Variants in EBF3 observed in about 807,000 individuals in gnomAD.
The protein encoded by EBF3 is EBF transcription factor 3.
In EBF3, 18 loss-of-function variants were observed where a neutral mutation model predicts 77.1. That is an observed-to-expected ratio of 0.23 (90% confidence interval 0.16 to 0.35). The LOEUF is 0.35. EBF3 is among the 10% of genes least tolerant of loss of function. The pLI is 1.00. For synonymous variants in EBF3, 350 were observed against 343.5 expected, an observed-to-expected ratio of 1.02 and a Z score of -0.21; for missense variants, 558 against 860.0, an observed-to-expected ratio of 0.65 and a Z score of 4.39.
intron 6 of EBF3, among the ~76,000 whole-genome samples, chr10:129,948,931 G>A (rs567902267): frequency 1.3e-5 from 2 of 152,278 alleles, no homozygotes; most frequent in African/African-American, 4.8e-5. Context: ...AACTTGGAAA[G>A]GACACCTGCA....
At chr10:129,881,083 T>A (rs540484791) in intron 6 of EBF3, among the ~76,000 whole-genome samples, 1 of 152,226 alleles carries the variant, frequency 6.6e-6, no homozygotes, top group Non-Finnish European at 1.5e-5. Flanking sequence ...ACTTTACATA[T>A]CTCACTTCTA....
intron 14 of EBF3, 35 bp from the exon 15 acceptor site, chr10:129,840,477 C>A: frequency 6.5e-6 from 10 of 1,537,790 alleles, no homozygotes; most frequent in Non-Finnish European, 7.9e-6. Flanking sequence ...CACGCGCGGC[C>A]GCGGCACAGC....
intron 4 of EBF3, among the ~76,000 whole-genome samples, chr10:129,959,646 C>T (rs974991463): frequency 2.2e-4 from 34 of 151,948 alleles, no homozygotes; most frequent in Non-Finnish European, 4.1e-4. Flanking sequence ...AGCAGGCCGC[C>T]CTGGACCGGC....
intron 6 of EBF3, among the ~76,000 whole-genome samples, chr10:129,916,198 A>T (rs1036994283): frequency 2.0e-5 from 3 of 152,190 alleles, no homozygotes; most frequent in Non-Finnish European, 2.9e-5. Flanking sequence ...AGCCTGGGGG[A>T]GAGACGGGCG....
At chr10:129,945,463 C>T (rs550613085) in intron 6 of EBF3, among the ~76,000 whole-genome samples, 5 of 152,276 alleles carry the variant, frequency 3.3e-5, no homozygotes, top group South Asian at 2.1e-4. Context: ...GTAAATCACA[C>T]GGATTCCGTA....
chr10:129,846,381 T>C (rs1184359429), intron 11 of EBF3, among the ~76,000 whole-genome samples: 7 of 151,850 alleles, frequency 4.6e-5, no homozygotes, highest in African/African-American at 1.7e-4. Flanking sequence ...AAAATCAATA[T>C]TGTGGTAATA....
rs1442631674 is a variant in EBF3, at chr10:129,963,964, G to A, written c.-196C>T. On this transcript the variant is annotated 5_prime_UTR_variant, in exon 1 of 17. Coordinates refer to ENST00000440978, the MANE Select transcript of EBF3 (RefSeq NM_001375380.1). This position sits in a 1 kb window ranked among gnomAD's most constrained non-coding sequence, Gnocchi z 7.1. ...CGGCCGGGCGCTCCGGACGGCCAGG[G>A]GCGCGGAGGCGGCTCCACCGGCGGC... 8 of 1,027,350 alleles carry A rather than the reference G, an allele frequency of 7.8e-6. No homozygotes were observed. In the African/African-American group the frequency reaches 1.4e-4, roughly 18 times the overall value. The allele number at this position is 1,027,350 out of a possible 1,614,324, so 63.6% of individuals were successfully genotyped here.
chr10:129,895,044 T>G (rs1018457931), intron 6 of EBF3, among the ~76,000 whole-genome samples: 1 of 152,132 alleles, frequency 6.6e-6, no homozygotes, highest in Non-Finnish European at 1.5e-5. Flanking sequence ...GCAAAATGAG[T>G]GGGCATGCGG....
Position 129,938,653 on chromosome 10 carries a change from C to T in EBF3, c.554+18605G>A, listed in dbSNP as rs564055937. The stretch of plus-strand genomic sequence containing the variant: ...GCAGCCCAGGCAGGCACGAGCAGAA[C>T]GCTCCTCCTCCTTGGCTGTTGTCCA... On this transcript the variant is annotated intron_variant, in intron 6 of 16. Coordinates refer to ENST00000440978, the MANE Select transcript of EBF3 (RefSeq NM_001375380.1). This position sits in a 1 kb window ranked among gnomAD's most constrained non-coding sequence, Gnocchi z 5.1. Among the ~76,000 whole-genome samples, 5 of 152,324 alleles carry T rather than the reference C, an allele frequency of 3.3e-5. No individual in the cohort carries two copies. The East Asian group carries it at 7.7e-4, about 24-fold the overall frequency.
chr10:129,920,987 G>A (rs1247808272), intron 6 of EBF3, among the ~76,000 whole-genome samples: 1 of 152,200 alleles, frequency 6.6e-6, no homozygotes, highest in Non-Finnish European at 1.5e-5. Context: ...GGTGCCCTCG[G>A]TGGTCTGGGG....
chr10:129,963,916 C>T lies in EBF3; in HGVS notation c.-148G>A, dbSNP rs1859737693. On this transcript the variant is annotated 5_prime_UTR_variant, in exon 1 of 17. Transcript: ENST00000440978. The surrounding 1 kb of genome is among the most constrained non-coding windows in gnomAD (Gnocchi z 7.1). ...CCCCGCCGCCGGCTTCAGCCCGTCCCGGGCAGGCGCGACATACACCAGCGG... is the reference window on the plus strand; with the variant it reads ...CCCCGCCGCCGGCTTCAGCCCGTCCTGGGCAGGCGCGACATACACCAGCGG... 2 of 1,108,278 alleles carry T rather than the reference C, an allele frequency of 1.8e-6. No individual in the cohort carries two copies. The highest frequency in any genetic ancestry group is 4.1e-5 in the South Asian group (1 of 24,682). The allele number at this position is 1,108,278 out of a possible 1,614,324, so 68.7% of individuals were successfully genotyped here.
At chr10:129,854,878 C>T (rs1450298729) in intron 10 of EBF3, among the ~76,000 whole-genome samples, 1 of 152,270 alleles carries the variant, frequency 6.6e-6, no homozygotes, top group East Asian at 1.9e-4. Flanking sequence ...GCGTCGTTCA[C>T]CAGGGGCGCT....
chr10:129,919,957 AC>A (rs963387314), intron 6 of EBF3, among the ~76,000 whole-genome samples: 1 of 150,056 alleles, frequency 6.7e-6, no homozygotes, highest in African/African-American at 2.5e-5. Context: ...CCACAAGCCC[AC>A]CCCGCTGTGC....
intron 7 of EBF3, among the ~76,000 whole-genome samples, chr10:129,875,187 C>CTTCTTTTTT (rs1852672323): frequency 1.1e-5 from 1 of 92,932 alleles, no homozygotes; most frequent in African/African-American, 4.1e-5. Flanking sequence ...ATGGCTTCTT[C>CTTCTTTTTT]TTTTTTTTTT....
At chr10:129,896,657 G>A (rs906104000) in intron 6 of EBF3, among the ~76,000 whole-genome samples, 2 of 152,224 alleles carry the variant, frequency 1.3e-5, no homozygotes, top group African/African-American at 4.8e-5. Flanking sequence ...CTTGAGCTCC[G>A]CTGACCTCGC....
At chr10:129,901,739 T>G (rs1051002843) in intron 6 of EBF3, among the ~76,000 whole-genome samples, 1 of 152,224 alleles carries the variant, frequency 6.6e-6, no homozygotes, top group African/African-American at 2.4e-5. Context: ...TCCTGTCACA[T>G]GCACCAAATA....
At chr10:129,874,857 G>A (rs10829655) in intron 7 of EBF3, among the ~76,000 whole-genome samples, 25,026 of 152,100 alleles carry the variant, frequency 0.16, 2,114 homozygotes, top group Admixed American at 0.21. Context: ...AGTGAATCGC[G>A]ACACATCAGT....
chr10:129,867,017 G>A, intron 10 of EBF3, 124 bp downstream of exon 10: 2 of 1,333,118 alleles, frequency 1.5e-6, no homozygotes, highest in Admixed American at 6.3e-5. Flanking sequence ...GGCCAAGGGG[G>A]CTTTGTCTGT....
At chr10:129,901,897 C>T (rs1182314939) in intron 6 of EBF3, among the ~76,000 whole-genome samples, 1 of 152,200 alleles carries the variant, frequency 6.6e-6, no homozygotes, top group Non-Finnish European at 1.5e-5. Context: ...ACCTGTGTGG[C>T]CAGATGGAAA....
Sources: gnomAD v4.1 joint callset for allele counts (sites outside exome capture counted in the v4.1 genomes callset) on GRCh38, gnomAD v4.1.1 for gene constraint, Gnocchi (gnomAD v3.1) non-coding constraint, MANE v1.5 for transcripts, NCBI Gene and HGNC (gene_info 2026-07-23, HGNC 2026-07-21) for gene names.